Variants in KIF1B observed in about 807,000 individuals in gnomAD.
The protein encoded by KIF1B is kinesin-like protein KIF1B.
Under a neutral mutation model 241.9 loss-of-function variants are expected in KIF1B, and 76 were observed. That is an observed-to-expected ratio of 0.31 (90% confidence interval 0.26 to 0.38). KIF1B has a LOEUF of 0.38. Ranked by LOEUF, KIF1B falls within the 10% of genes least tolerant of loss-of-function variation. KIF1B has a pLI of 1.00. For missense variants in KIF1B, 1,622 were observed against 2,271.4 expected, an observed-to-expected ratio of 0.71 and a Z score of 5.81; for synonymous variants, 750 against 796.7, an observed-to-expected ratio of 0.94 and a Z score of 0.99.
intron 5 of KIF1B, among the ~76,000 whole-genome samples, chr1:10,267,046 C>T (rs1396029364): frequency 6.6e-6 from 1 of 151,612 alleles, no homozygotes; most frequent in African/African-American, 2.4e-5. Context: ...AAGACAGAGC[C>T]TCACTCTGTC....
At chr1:10,372,540 TA>T (rs1638759307) in intron 45 of KIF1B, among the ~76,000 whole-genome samples, 1 of 150,540 alleles carries the variant, frequency 6.6e-6, no homozygotes, top group Non-Finnish European at 1.5e-5. Context: ...CAGCCAGGCA[TA>T]GGGGCATGTA....
chr1:10,228,890 G>A (rs1225942758), intron 1 of KIF1B, among the ~76,000 whole-genome samples: 2 of 152,194 alleles, frequency 1.3e-5, no homozygotes, highest in Admixed American at 1.3e-4. Flanking sequence ...AGGTTTCAAA[G>A]AGTAGTGACA....
chr1:10,212,149 G>A (rs573818562), intron 1 of KIF1B, among the ~76,000 whole-genome samples: 16 of 152,296 alleles, frequency 1.1e-4, no homozygotes, highest in Admixed American at 2.0e-4. Flanking sequence ...TGATGTGCCT[G>A]TCTGAGCCTG....
chr1:10,303,964 A>G lies in KIF1B; in HGVS notation c.2115+6718A>G. On this transcript the variant is annotated intron_variant, in intron 22 of 48. Transcript: ENST00000676179. This position sits in a 1 kb window ranked among gnomAD's most constrained non-coding sequence, Gnocchi z 5.2. ...TCTGCGCTGGATGAGGCAAGAGCAA[A>G]TTCGGTTTAAGAACTTGCAACAGCA... 1 of 1,614,010 alleles carries G rather than the reference A, an allele frequency of 6.2e-7. No individual in the cohort carries two copies. The highest frequency in any genetic ancestry group is 8.5e-7 in the Non-Finnish European group (1 of 1,179,966).
Position 10,232,387 on chromosome 1 carries a change from C to T in KIF1B, c.59C>T (p.Thr20Ile), listed in dbSNP as rs538135467. Residue 20 changes from threonine (T) to isoleucine (I), a missense_variant, in exon 2 of 49, where the codon ACC becomes ATC. By Grantham distance (89) the Thr-to-Ile change is moderately conservative. Coordinates refer to ENST00000676179, the MANE Select transcript of KIF1B (RefSeq NM_001365951.3). Reference protein sequence around the residue: ...VRVRPFNSRETSKESKCIIQM... With the variant: ...VRVRPFNSREISKESKCIIQM... ...GTAAGGCCCTTCAATTCTCGAGAGA[C>T]CAGCAAGGAATCCAAATGCATCATT... 1.2e-5 allele frequency: 20 copies of T among 1,614,038 alleles called. No individual in the cohort carries two copies. The African/African-American group carries it at 2.4e-4, about 19-fold the overall frequency.
intron 22 of KIF1B, among the ~76,000 whole-genome samples, chr1:10,309,974 A>G (rs1478030652): frequency 6.6e-6 from 1 of 150,930 alleles, no homozygotes; most frequent in Non-Finnish European, 1.5e-5. Flanking sequence ...GCCCATTTCC[A>G]TCATGCTTAC....
At chr1:10,351,908 G>T (rs1652807032) in intron 37 of KIF1B, among the ~76,000 whole-genome samples, 1 of 152,126 alleles carries the variant, frequency 6.6e-6, no homozygotes, top group Admixed American at 6.5e-5. Flanking sequence ...AGGAATTCAA[G>T]GCTGCAGTGA....
chr1:10,286,704 A>G (rs1245132787), intron 15 of KIF1B, among the ~76,000 whole-genome samples: 1 of 152,246 alleles, frequency 6.6e-6, no homozygotes, highest in Non-Finnish European at 1.5e-5. Flanking sequence ...CTATATGAAC[A>G]TAATTTATTA....
At chr1:10,348,348 A>C (rs1235949913) in intron 36 of KIF1B, among the ~76,000 whole-genome samples, 1 of 152,190 alleles carries the variant, frequency 6.6e-6, no homozygotes, top group East Asian at 1.9e-4. Context: ...TTGAATACTT[A>C]TTATACAAGG....
At chr1:10,269,456 AG>A (rs931219941) in intron 7 of KIF1B, among the ~76,000 whole-genome samples, 14 of 150,934 alleles carry the variant, frequency 9.3e-5, no homozygotes, top group Non-Finnish European at 1.8e-4. Flanking sequence ...TGGAGGTTGC[AG>A]TGAGCCAAGA....
intron 15 of KIF1B, 85 bp downstream of exon 15, chr1:10,282,618 C>T: frequency 8.9e-7 from 1 of 1,125,614 alleles, no homozygotes; most frequent in Non-Finnish European, 1.4e-6. Context: ...AAGATTTCGA[C>T]TCAGCATATG....
chr1:10,344,380 A>T (rs1652513152), intron 34 of KIF1B, among the ~76,000 whole-genome samples: 1 of 152,056 alleles, frequency 6.6e-6, no homozygotes, highest in Admixed American at 6.5e-5. Flanking sequence ...AAACACTGAC[A>T]TTTCCCTTTG....
chr1:10,297,722 G>A (rs575947469), intron 22 of KIF1B, among the ~76,000 whole-genome samples: 1 of 151,862 alleles, frequency 6.6e-6, no homozygotes, highest in East Asian at 1.9e-4. Context: ...AAGTTAAACT[G>A]TGTCTAAAAG....
At chr1:10,231,766 A>T (rs1004758997) in intron 1 of KIF1B, among the ~76,000 whole-genome samples, 11 of 152,072 alleles carry the variant, frequency 7.2e-5, no homozygotes, top group Non-Finnish European at 1.6e-4. Context: ...TTAGCCAATA[A>T]ACATTTTGTG....
rs757617293 is a variant in KIF1B at position 10,371,093 on chromosome 1, C to T, written c.4825-48C>T. The T allele has an allele frequency of 1.1e-5, 17 of 1,613,520 alleles. No homozygotes were observed. In the South Asian group the frequency reaches 1.4e-4, roughly 14 times the overall value. Reference sequence around the variant, plus strand: ...AAACTCCCTATTGTTACTGTAGAGGCAGCTTTTTTCAGCTGAATGTAACTT... The same window carrying T: ...AAACTCCCTATTGTTACTGTAGAGGTAGCTTTTTTCAGCTGAATGTAACTT... On this transcript the variant is annotated intron_variant, in intron 44 of 48. Transcript: ENST00000676179.
chr1:10,370,563 C>T (rs1457193547), intron 44 of KIF1B, among the ~76,000 whole-genome samples: 2 of 137,940 alleles, frequency 1.4e-5, no homozygotes, highest in African/African-American at 5.6e-5. Context: ...GACCTTATCT[C>T]GAAAAAGAAA....
chr1:10,288,918 A>T (rs1272840635), intron 15 of KIF1B, among the ~76,000 whole-genome samples: 1 of 152,204 alleles, frequency 6.6e-6, no homozygotes, highest in Non-Finnish European at 1.5e-5. Flanking sequence ...GTCAAACACT[A>T]GACAACTTAA....
intron 10 of KIF1B, among the ~76,000 whole-genome samples, chr1:10,273,698 C>T (rs1648926286): frequency 8.4e-6 from 1 of 118,514 alleles, no homozygotes; most frequent in Non-Finnish European, 1.7e-5. Flanking sequence ...ACTCCCTTTC[C>T]TCCTCCTCCT....
At chr1:10,273,709 C>CAAAAAAAAAAAAAAAAAAAAAAAA (rs56349613) in intron 10 of KIF1B, among the ~76,000 whole-genome samples, 1 of 49,578 alleles carries the variant, frequency 2.0e-5, no homozygotes, top group Admixed American at 2.9e-4. Flanking sequence ...TCCTCCTCCT[C>CAAAAAAAAAAAAAAAAAAAAAAAA]AAAAAAAAAA....
Sources: allele counts gnomAD v4.1 joint callset (sites outside exome capture counted in the v4.1 genomes callset), GRCh38; gene constraint gnomAD v4.1.1; non-coding constraint Gnocchi (gnomAD v3.1); transcripts MANE v1.5; gene names NCBI Gene and HGNC (gene_info 2026-07-23, HGNC 2026-07-21).